Variants in PLCB1 observed in about 807,000 individuals in gnomAD.
The protein encoded by PLCB1 is 1-phosphatidylinositol 4,5-bisphosphate phosphodiesterase beta-1.
Under a neutral mutation model 161.8 loss-of-function variants are expected in PLCB1, and 46 were observed. The observed-to-expected ratio is 0.28, with a 90% CI of 0.22 to 0.36. PLCB1 has a LOEUF of 0.36. PLCB1 is among the 10% of genes least tolerant of loss of function. PLCB1 has a pLI of 1.00. For missense variants in PLCB1, 1,016 were observed against 1,472.5 expected (o/e 0.69, Z 5.07); for synonymous variants, 517 against 503.7 (o/e 1.03, Z -0.35).
chr20:8,843,941 A>C (rs1986599038), intron 31 of PLCB1, among the ~76,000 whole-genome samples: 1 of 152,170 alleles, frequency 6.6e-6, no homozygotes, highest in Non-Finnish European at 1.5e-5. Flanking sequence ...CTGCTTCATT[A>C]CACTCCTTTT....
chr20:8,637,666 A>T (rs903122136), intron 4 of PLCB1, among the ~76,000 whole-genome samples: 1 of 152,196 alleles, frequency 6.6e-6, no homozygotes, highest in Non-Finnish European at 1.5e-5. Flanking sequence ...ATAAATATAT[A>T]CTTGTTATTA....
intron 3 of PLCB1, among the ~76,000 whole-genome samples, chr20:8,465,953 A>G (rs1981801786): frequency 6.7e-6 from 1 of 149,686 alleles, no homozygotes; most frequent in African/African-American, 2.5e-5. Flanking sequence ...ATACCATTTG[A>G]CCCAGCCATC....
chr20:8,647,264 G>A (rs1600224122), intron 5 of PLCB1, among the ~76,000 whole-genome samples: 1 of 152,140 alleles, frequency 6.6e-6, no homozygotes, highest in African/African-American at 2.4e-5. Context: ...TTAGTGAAAG[G>A]GGACACAGAG....
At chr20:8,355,396 A>C (rs75703181) in intron 2 of PLCB1, among the ~76,000 whole-genome samples, 2,293 of 152,224 alleles carry the variant, frequency 0.015, 40 homozygotes, top group African/African-American at 0.051. Flanking sequence ...ATTTTCTTCT[A>C]CCTGGTGATT....
In PLCB1 at chr20:8,384,530, G is replaced by A. The variant is rs12625847; in HGVS notation, c.246+13080G>A. 4.3e-3 allele frequency among the ~76,000 whole-genome samples: 650 copies of A among 151,966 alleles called. 20 individuals carry two copies. The highest frequency in any genetic ancestry group is 0.028 in the Admixed American group (428 of 15,246). On this transcript the variant is annotated intron_variant, in intron 3 of 31. Transcript: ENST00000338037. ...TTCTGAAGCCTACTTCTGTCAGTTC[G>A]TCCATCTCATCCTCTGTCCAGTTCT...
chr20:8,376,260 C>A (rs1987075718), intron 3 of PLCB1, among the ~76,000 whole-genome samples: 1 of 152,070 alleles, frequency 6.6e-6, no homozygotes, highest in Admixed American at 6.5e-5. Flanking sequence ...TGGTAAAGGG[C>A]AGTTATTTCA....
intron 2 of PLCB1, among the ~76,000 whole-genome samples, chr20:8,348,569 T>C (rs1986072777): frequency 6.6e-6 from 1 of 152,080 alleles, no homozygotes. Flanking sequence ...ATACTGGGGA[T>C]TGAGAGGTTG....
intron 2 of PLCB1, among the ~76,000 whole-genome samples, chr20:8,252,412 A>G (rs1981194134): frequency 1.3e-5 from 2 of 151,962 alleles, no homozygotes; most frequent in African/African-American, 4.8e-5. Context: ...TAACACCAAG[A>G]AAACTTCATA....
chr20:8,211,423 C>T (rs1276951790), intron 2 of PLCB1, among the ~76,000 whole-genome samples: 1 of 152,130 alleles, frequency 6.6e-6, no homozygotes, highest in Non-Finnish European at 1.5e-5. Flanking sequence ...TCTCTATTTG[C>T]ATAACACCAT....
intron 3 of PLCB1, among the ~76,000 whole-genome samples, chr20:8,621,348 A>T (rs1225413466): frequency 2.0e-5 from 3 of 152,208 alleles, no homozygotes; most frequent in African/African-American, 7.2e-5. Context: ...ATAGTTTAAA[A>T]CATGGCTGAA....
chr20:8,701,646 A>G (rs554412370), intron 11 of PLCB1, among the ~76,000 whole-genome samples: 1 of 152,316 alleles, frequency 6.6e-6, no homozygotes, highest in African/African-American at 2.4e-5. Flanking sequence ...TAAGCTCCAC[A>G]AAGACAGGGC....
intron 3 of PLCB1, among the ~76,000 whole-genome samples, chr20:8,457,709 T>C (rs563044567): frequency 0.02 from 2,124 of 108,194 alleles, 56 homozygotes; most frequent in African/African-American, 0.082. Flanking sequence ...CCCTAATGTG[T>C]GCGCGCACAC....
intron 1 of PLCB1, among the ~76,000 whole-genome samples, chr20:8,143,478 G>T (rs973988982): frequency 2.0e-5 from 3 of 152,166 alleles, no homozygotes; most frequent in African/African-American, 7.2e-5. Context: ...GATTGATGAT[G>T]ATTAATGATT....
chr20:8,321,779 C>T (rs891794569), intron 2 of PLCB1, among the ~76,000 whole-genome samples: 1 of 152,142 alleles, frequency 6.6e-6, no homozygotes, highest in African/African-American at 2.4e-5. Flanking sequence ...TCTCCTCTCT[C>T]CCCCGCATTG....
chr20:8,816,129 A>AG (rs1169275851), intron 31 of PLCB1, among the ~76,000 whole-genome samples: 1 of 152,186 alleles, frequency 6.6e-6, no homozygotes, highest in Non-Finnish European at 1.5e-5. Context: ...CTGATCTTTC[A>AG]GAAAAAACCA....
chr20:8,772,558 A>G (rs1162157792), intron 26 of PLCB1, among the ~76,000 whole-genome samples: 2 of 152,232 alleles, frequency 1.3e-5, no homozygotes, highest in Non-Finnish European at 2.9e-5. Context: ...ATGGTTGGCA[A>G]TGAGAGCTAC....
At chr20:8,759,238 G>T (rs530660404) in intron 24 of PLCB1, among the ~76,000 whole-genome samples, 1 of 152,094 alleles carries the variant, frequency 6.6e-6, no homozygotes, top group Non-Finnish European at 1.5e-5. Context: ...AGTGATACTC[G>T]CCTTTCTCAG....
chr20:8,755,579 T>C (rs1981696443), intron 23 of PLCB1, among the ~76,000 whole-genome samples: 2 of 152,216 alleles, frequency 1.3e-5, no homozygotes. Flanking sequence ...ATTTTTAAAC[T>C]GTTTACTGTG....
At chr20:8,607,856 G>A (rs1987801767) in intron 3 of PLCB1, among the ~76,000 whole-genome samples, 1 of 152,094 alleles carries the variant, frequency 6.6e-6, no homozygotes, top group Admixed American at 6.6e-5. Flanking sequence ...AATAGACTGA[G>A]GAATTTAAGA....
Sources: allele counts gnomAD v4.1 joint callset (sites outside exome capture counted in the v4.1 genomes callset), GRCh38; gene constraint gnomAD v4.1.1; transcripts MANE v1.5; gene names NCBI Gene and HGNC (gene_info 2026-07-23, HGNC 2026-07-21).